The following MX1 variants were observed in gnomAD, a reference collection of about 807,000 sequenced individuals.
The protein encoded by MX1 is MX dynamin like GTPase 1, also known as interferon-induced GTP-binding protein Mx1.
MX1 carries 66 observed loss-of-function variants against 66.4 expected under a neutral mutation model. The observed-to-expected ratio is 0.99, with a 90% CI of 0.82 to 1.22. The LOEUF is 1.22. Ranked by LOEUF, MX1 falls within the 50% of genes most tolerant of loss-of-function variation. The probability of loss-of-function intolerance (pLI) is 0.00; values close to 1 mark genes in which losing one functional copy is unlikely to be tolerated. For missense variants in MX1, 787 were observed against 834.3 expected, an observed-to-expected ratio of 0.94 and a Z score of 0.70; for synonymous variants, 311 against 318.1, an observed-to-expected ratio of 0.98 and a Z score of 0.24.
chr21:41,424,993 T>A (rs969053249), upstream of MX1, among the ~76,000 whole-genome samples: 1 of 152,216 alleles, frequency 6.6e-6, no homozygotes, highest in Admixed American at 6.5e-5. Context: ...TGGACTAGGG[T>A]TGGAGGCTGG....
At chr21:41,444,427 A>G (rs2146260183) in intron 11 of MX1, among the ~76,000 whole-genome samples, 1 of 146,708 alleles carries the variant, frequency 6.8e-6, no homozygotes, top group Middle Eastern at 3.7e-3. Context: ...CCTGGGTTCA[A>G]GCAATTCTCC....
chr21:41,441,522 T>G lies in MX1; in HGVS notation c.731-194T>G. 1 of 615,872 alleles carries G rather than the reference T, an allele frequency of 1.6e-6. No individual in the cohort carries two copies. The highest frequency in any genetic ancestry group is 2.9e-6 in the Non-Finnish European group (1 of 346,880). The allele number at this position is 615,872 out of a possible 1,614,324, so 38.2% of individuals were successfully genotyped here. A position where few individuals can be genotyped will look rare whatever the true frequency, so the allele number is the denominator to read the frequency against. ...CACATGCTGTTCTGGGAGGCATCCCTGCCTTCACGCGGCTTGTCGTGGAGT... is the reference window on the plus strand; with the variant it reads ...CACATGCTGTTCTGGGAGGCATCCCGGCCTTCACGCGGCTTGTCGTGGAGT... On this transcript the variant is annotated intron_variant, in intron 9 of 16. Coordinates refer to ENST00000398598, the MANE Select transcript of MX1 (RefSeq NM_002462.5). This position sits in a 1 kb window ranked among gnomAD's most constrained non-coding sequence, Gnocchi z 4.0.
Position 41,435,868 on chromosome 21 carries a change from A to G in MX1, c.137A>G (p.Glu46Gly). The change falls in exon 6 of 17, where the codon GAG becomes GGG. Residue 46 changes from glutamate to glycine, a missense_variant. Transcript: ENST00000398598. ...GAGAACAACCTGTGCAGCCAGTATG[A>G]GGAGAAGGTGCGCCCCTGCATCGAC... ...VAENNLCSQY[E>G]EKVRPCIDLI... 1 of 1,612,996 alleles carries G rather than the reference A, an allele frequency of 6.2e-7. No homozygotes were observed. The highest frequency in any genetic ancestry group is 8.5e-7 in the Non-Finnish European group (1 of 1,179,024).
At chr21:41,430,233 C>T (rs1268692048) in intron 3 of MX1, among the ~76,000 whole-genome samples, 1 of 152,034 alleles carries the variant, frequency 6.6e-6, no homozygotes, top group East Asian at 1.9e-4. Flanking sequence ...CCTCATGGTA[C>T]TGACAAAGAT....
Position 41,441,033 on chromosome 21 carries a change from T to C in MX1, c.730+8T>C, listed in dbSNP as rs772276983. On this transcript the variant is annotated splice_region_variant and intron_variant, in intron 9 of 16. Coordinates refer to ENST00000398598, the MANE Select transcript of MX1 (RefSeq NM_002462.5). This position sits in a 1 kb window ranked among gnomAD's most constrained non-coding sequence, Gnocchi z 4.0. ...AGGGAGACAGGACCATCGGTGAGAG[T>C]GGGGGAGCCCCACTGTGCTCAGTGA... 2 of 1,611,282 alleles carry C rather than the reference T, an allele frequency of 1.2e-6. No homozygotes were observed. The highest frequency in any genetic ancestry group is 3.3e-5 in the Admixed American group (2 of 59,890).
intron 3 of MX1, among the ~76,000 whole-genome samples, chr21:41,430,193 AGTTTT>A (rs1448187600): frequency 6.6e-6 from 1 of 151,824 alleles, no homozygotes; most frequent in Non-Finnish European, 1.5e-5. Flanking sequence ...AGGGGTGATG[AGTTTT>A]GTTTTAACAA....
chr21:41,447,535 G>A (rs374987334), intron 13 of MX1, among the ~76,000 whole-genome samples: 2 of 152,086 alleles, frequency 1.3e-5, no homozygotes, highest in African/African-American at 2.4e-5. Flanking sequence ...AAGGCCACAC[G>A]GTCTATGATT....
At position 41,441,428 on chromosome 21, in the gene MX1, A is replaced by G; in HGVS notation, c.731-288A>G. The G allele has an allele frequency of 3.9e-6, 2 of 508,156 alleles. No individual in the cohort carries two copies. Among genetic ancestry groups the G allele is most frequent in the African/African-American group, 1.9e-5 (1 of 52,286 alleles). The allele number at this position is 508,156 out of a possible 1,614,324, so 31.5% of individuals were successfully genotyped here. On this transcript the variant is annotated intron_variant, in intron 9 of 16. Transcript: ENST00000398598. The surrounding 1 kb of genome is among the most constrained non-coding windows in gnomAD (Gnocchi z 4.0). ...AGAATGCATTTGAGATGGGATGTCC[A>G]TAACTCAAGGGATAAACAAAACGTG...
Position 41,449,281 on chromosome 21 carries a change from T to C in MX1, c.1418T>C (p.Leu473Pro), listed in dbSNP as rs760110189. The change falls in exon 14 of 17, where the codon CTA becomes CCA. Residue 473 changes from leucine to proline, a missense_variant. Coordinates refer to ENST00000398598, the MANE Select transcript of MX1 (RefSeq NM_002462.5). ...CTGGAAGAGCCGGCTGTGGATATGC[T>C]ACACACCGTGACGGGTGAGTGCTCA... ...KALEEPAVDM[L>P]HTVTDMVRLA... 1.3e-5 allele frequency: 21 copies of C among 1,612,500 alleles called. No individual in the cohort carries two copies. In the South Asian group the frequency reaches 1.7e-4, roughly 13 times the overall value.
intron 16 of MX1, among the ~76,000 whole-genome samples, chr21:41,456,770 T>G (rs950036150): frequency 2.7e-5 from 4 of 150,346 alleles, no homozygotes; most frequent in Non-Finnish European, 5.9e-5. Context: ...GTTTGTTTGG[T>G]TTTTTTTTGG....
At chr21:41,433,110 T>C (rs1353289084) in intron 5 of MX1, among the ~76,000 whole-genome samples, 2 of 152,244 alleles carry the variant, frequency 1.3e-5, no homozygotes, top group Admixed American at 1.3e-4. Flanking sequence ...TGTCTCGTGA[T>C]CTGGCAGTTC....
chr21:41,427,633 GAGGA>G (rs2090097900), intron 2 of MX1, 118 bp from the exon 3 acceptor site: 1 of 152,202 alleles, frequency 6.6e-6, no homozygotes, highest in South Asian at 2.1e-4. Context: ...AGTTTTGGGA[GAGGA>G]AGGGGGCTGA....
At chr21:41,451,334 A>C (rs1299883743) in intron 15 of MX1, 91 bp downstream of exon 15, 1 of 857,014 alleles carries the variant, frequency 1.2e-6, no homozygotes, top group Non-Finnish European at 1.9e-6. Flanking sequence ...GGATTATTTC[A>C]ACTTTATTGT....
At position 41,458,880 on chromosome 21, in the gene MX1, G is replaced by C; in HGVS notation, c.*122G>C. 7.0e-7 allele frequency: 1 copy of C among 1,434,544 alleles called. No individual in the cohort carries two copies. The allele number at this position is 1,434,544 out of a possible 1,614,324, so 88.9% of individuals were successfully genotyped here. On this transcript the variant is annotated 3_prime_UTR_variant, in exon 17 of 17. Coordinates refer to ENST00000398598, the MANE Select transcript of MX1 (RefSeq NM_002462.5). ...CTGGATAGTCCGTCTCTGCTTATCC[G>C]TTAGCCGTGGTGATTTAGCAGGAAG...
chr21:41,444,803 T>C (rs1311999677), intron 11 of MX1, among the ~76,000 whole-genome samples: 1 of 152,108 alleles, frequency 6.6e-6, no homozygotes, highest in Non-Finnish European at 1.5e-5. Flanking sequence ...GATGCCCTTG[T>C]GGCTGAGCCG....
chr21:41,432,241 T>C (rs1780115542), intron 5 of MX1, 66 bp downstream of exon 5: 2 of 1,425,360 alleles, frequency 1.4e-6, no homozygotes, highest in Admixed American at 3.4e-5. Context: ...GCTGCCCTTT[T>C]CTACAGCGGT....
At chr21:41,458,472 A>AGT (rs143513334) in intron 16 of MX1, 56 bp from the exon 17 acceptor site, 1 of 1,572,018 alleles carries the variant, frequency 6.4e-7, no homozygotes, top group Non-Finnish European at 8.7e-7. Context: ...GTGAGGTCAG[A>AGT]GTCCCCTCCT....
At chr21:41,447,515 G>T (rs985356503) in intron 13 of MX1, among the ~76,000 whole-genome samples, 13 of 152,212 alleles carry the variant, frequency 8.5e-5, no homozygotes, top group Admixed American at 7.2e-4. Context: ...AGTGAAAGAA[G>T]CCAGCCACAA....
At chr21:41,425,347 T>A (rs992521161), upstream of MX1, among the ~76,000 whole-genome samples, 3 of 152,146 alleles carry the variant, frequency 2.0e-5, no homozygotes, top group African/African-American at 7.2e-5. Context: ...ACAAAGTACA[T>A]TCTCAAGGGT....
Sources: gnomAD v4.1 joint callset for allele counts (sites outside exome capture counted in the v4.1 genomes callset) on GRCh38, gnomAD v4.1.1 for gene constraint, Gnocchi (gnomAD v3.1) non-coding constraint, MANE v1.5 for transcripts, NCBI Gene and HGNC (gene_info 2026-07-23, HGNC 2026-07-21) for gene names.